The following IRF2 variants were observed in gnomAD, a reference collection of about 807,000 sequenced individuals.
The protein encoded by IRF2 is interferon regulatory factor 2.
IRF2 carries 15 observed loss-of-function variants against 40.6 expected under a neutral mutation model. That is an observed-to-expected ratio of 0.37 (90% CI 0.25 to 0.57). The LOEUF (loss-of-function observed/expected upper bound fraction) is 0.57. Ranked by LOEUF, IRF2 falls within the 20% of genes least tolerant of loss-of-function variation. The probability of loss-of-function intolerance (pLI) is 0.77; values close to 1 mark genes in which losing one functional copy is unlikely to be tolerated. For missense variants in IRF2, 317 were observed against 455.7 expected, an observed-to-expected ratio of 0.70 and a Z score of 2.77; for synonymous variants, 151 against 165.5, an observed-to-expected ratio of 0.91 and a Z score of 0.67.
intron 1 of IRF2, 75 bp from the exon 2 acceptor site, chr4:184,429,145 C>G: frequency 9.1e-7 from 1 of 1,101,942 alleles, no homozygotes; most frequent in Non-Finnish European, 1.4e-6. Flanking sequence ...TTCTACACCC[C>G]GCCTGACTCT....
At chr4:184,425,367 G>A (rs374861225) in intron 2 of IRF2, among the ~76,000 whole-genome samples, 3 of 152,240 alleles carry the variant, frequency 2.0e-5, no homozygotes, top group African/African-American at 7.2e-5. Context: ...TAGGTATGGA[G>A]AGAAGAGATC....
chr4:184,408,320 C>T lies in IRF2; in HGVS notation c.412-45G>A. ...AAAGAATTGAGAACACTTCCTTTCCCCTCCCTTCTCTTAGCTGAAATTCTA... is the reference window on the plus strand; with the variant it reads ...AAAGAATTGAGAACACTTCCTTTCCTCTCCCTTCTCTTAGCTGAAATTCTA... On this transcript the variant is annotated intron_variant, in intron 5 of 8. Coordinates refer to ENST00000393593, the MANE Select transcript of IRF2 (RefSeq NM_002199.4). The surrounding 1 kb of genome is among the most constrained non-coding windows in gnomAD (Gnocchi z 4.9). 1 of 1,179,626 alleles carries T rather than the reference C, an allele frequency of 8.5e-7. No homozygotes were observed. Among genetic ancestry groups the T allele is most frequent in the Admixed American group, 1.7e-5 (1 of 58,222 alleles). The allele number at this position is 1,179,626 out of a possible 1,614,324, so 73.1% of individuals were successfully genotyped here. A position where few individuals can be genotyped will look rare whatever the true frequency, so the allele number is the denominator to read the frequency against.
At chr4:184,412,762 T>C (rs2149898127) in intron 5 of IRF2, among the ~76,000 whole-genome samples, 1 of 152,262 alleles carries the variant, frequency 6.6e-6, no homozygotes, top group South Asian at 2.1e-4. Context: ...TCCTCCCTTC[T>C]CTCACTGCAG....
chr4:184,439,774 T>C (rs925759871), intron 1 of IRF2, among the ~76,000 whole-genome samples: 1 of 152,188 alleles, frequency 6.6e-6, no homozygotes, highest in African/African-American at 2.4e-5. Context: ...GACCACAGAC[T>C]CCTCTGGTAC....
chr4:184,465,628 A>G (rs944550771), intron 1 of IRF2, among the ~76,000 whole-genome samples: 1 of 152,110 alleles, frequency 6.6e-6, no homozygotes, highest in Non-Finnish European at 1.5e-5. Context: ...TCCCCACCCA[A>G]TCAGCATAGA....
At chr4:184,407,020 A>G (rs1403949145) in intron 6 of IRF2, among the ~76,000 whole-genome samples, 1 of 152,236 alleles carries the variant, frequency 6.6e-6, no homozygotes, top group Admixed American at 6.5e-5. Context: ...CTCTGGTTTC[A>G]TAGCAATCTT....
intron 6 of IRF2, among the ~76,000 whole-genome samples, chr4:184,402,699 A>G (rs544799217): frequency 6.6e-6 from 1 of 152,304 alleles, no homozygotes; most frequent in South Asian, 2.1e-4. Flanking sequence ...GTGACAATTA[A>G]TGTTTTCTAG....
At chr4:184,398,039 C>A (rs1272958848) in intron 7 of IRF2, among the ~76,000 whole-genome samples, 1 of 152,098 alleles carries the variant, frequency 6.6e-6, no homozygotes, top group African/African-American at 2.4e-5. Context: ...CTAATTAGAA[C>A]CTGTACTAGA....
intron 1 of IRF2, among the ~76,000 whole-genome samples, chr4:184,435,971 CTTTTTCT>C (rs1198855054): frequency 2.1e-5 from 3 of 145,848 alleles, no homozygotes; most frequent in Non-Finnish European, 4.5e-5. Context: ...TTTTCTTTTT[CTTTTTCT>C]TTTTTCTTTT....
chr4:184,430,633 C>T (rs1284034634), intron 1 of IRF2, among the ~76,000 whole-genome samples: 1 of 152,184 alleles, frequency 6.6e-6, no homozygotes, highest in African/African-American at 2.4e-5. Flanking sequence ...ACCTATACAC[C>T]TCTCAGCTGT....
chr4:184,457,337 C>T (rs907025957), intron 1 of IRF2, among the ~76,000 whole-genome samples: 6 of 152,144 alleles, frequency 3.9e-5, no homozygotes, highest in African/African-American at 7.2e-5. Flanking sequence ...CTGAGGTGTT[C>T]GCCCAGCCCT....
chr4:184,394,342 C>T (rs984911203), intron 7 of IRF2, among the ~76,000 whole-genome samples: 1 of 152,200 alleles, frequency 6.6e-6, no homozygotes, highest in African/African-American at 2.4e-5. Context: ...TACATATTGT[C>T]TAAGCAGGAA....
chr4:184,458,704 T>C (rs1328989215), intron 1 of IRF2, among the ~76,000 whole-genome samples: 1 of 152,202 alleles, frequency 6.6e-6, no homozygotes, highest in East Asian at 1.9e-4. Context: ...TCAGTTATAA[T>C]CCACACATGA....
At chr4:184,440,472 C>T (rs372570727) in intron 1 of IRF2, among the ~76,000 whole-genome samples, 5 of 152,278 alleles carry the variant, frequency 3.3e-5, no homozygotes, top group African/African-American at 4.8e-5. Flanking sequence ...CGGCCCCATT[C>T]TCCTTCCCAC....
At chr4:184,426,361 T>C in intron 2 of IRF2, among the ~76,000 whole-genome samples, 1 of 152,126 alleles carries the variant, frequency 6.6e-6, no homozygotes, top group Non-Finnish European at 1.5e-5. Context: ...CTTCCTCGCC[T>C]CTTCTTGGAG....
At chr4:184,418,349 A>T in intron 4 of IRF2, 136 bp from the exon 5 acceptor site, 1 of 954,764 alleles carries the variant, frequency 1.0e-6, no homozygotes, top group Non-Finnish European at 1.7e-6. Flanking sequence ...TTCCACATGT[A>T]TCTTTCACTG....
chr4:184,460,659 GCA>G (rs1447983253), intron 1 of IRF2, among the ~76,000 whole-genome samples: 24 of 90,288 alleles, frequency 2.7e-4, no homozygotes, highest in Middle Eastern at 6.4e-3. Flanking sequence ...ACACACACAT[GCA>G]CGCGCACACA....
At chr4:184,456,096 A>G (rs1738914917) in intron 1 of IRF2, among the ~76,000 whole-genome samples, 1 of 152,178 alleles carries the variant, frequency 6.6e-6, no homozygotes, top group African/African-American at 2.4e-5. Flanking sequence ...GCGGCCGCAC[A>G]CCCACCATCA....
intron 1 of IRF2, among the ~76,000 whole-genome samples, chr4:184,439,338 C>T (rs969437971): frequency 3.0e-5 from 4 of 135,100 alleles, no homozygotes; most frequent in Admixed American, 1.5e-4. Flanking sequence ...AAAAGCGGGG[C>T]GGAGCGGGGG....
Sources: allele counts gnomAD v4.1 joint callset (sites outside exome capture counted in the v4.1 genomes callset), GRCh38; gene constraint gnomAD v4.1.1; non-coding constraint Gnocchi (gnomAD v3.1); transcripts MANE v1.5; gene names NCBI Gene and HGNC (gene_info 2026-07-23, HGNC 2026-07-21).